Variants in LMO7 observed in about 807,000 individuals in gnomAD.
LMO7 encodes the protein LIM domain 7.
Under a neutral mutation model 206.5 loss-of-function variants are expected in LMO7, and 120 were observed. That is an observed-to-expected ratio of 0.58 (90% CI 0.50 to 0.68). The LOEUF (loss-of-function observed/expected upper bound fraction) is 0.68, where lower values mean the gene tolerates loss of function less well. LMO7 is among the 30% of genes least tolerant of loss of function. The pLI is 0.00. For missense variants in LMO7, 1,959 were observed against 1,957.9 expected, an observed-to-expected ratio of 1.00 and a Z score of -0.01; for synonymous variants, 706 against 681.5, an observed-to-expected ratio of 1.04 and a Z score of -0.56.
chr13:75,717,412 C>G (rs889943247), intron 2 of LMO7, among the ~76,000 whole-genome samples: 1 of 150,562 alleles, frequency 6.6e-6, no homozygotes, highest in Non-Finnish European at 1.5e-5. Flanking sequence ...ACTCTTCTCT[C>G]ACTGTCACCA....
rs573214901 is a variant in LMO7, at chr13:75,783,046, A to T, written c.318-12355A>T. On this transcript the variant is annotated intron_variant, in intron 4 of 30. Transcript: ENST00000377534. ...TTTTCAGTATTTTAAAGTGTGGAGT[A>T]GGAACAAAGAATTCAAAATGGAATC... 3.9e-5 allele frequency among the ~76,000 whole-genome samples: 6 copies of T among 152,378 alleles called. No homozygotes were observed. In the East Asian group the frequency reaches 1.2e-3, roughly 29 times the overall value.
intron 1 of LMO7, among the ~76,000 whole-genome samples, chr13:75,682,284 A>G (rs1177339380): frequency 3.9e-5 from 6 of 152,220 alleles, no homozygotes; most frequent in African/African-American, 1.4e-4. Context: ...TCTGTTAGAC[A>G]TTAGGCCTTA....
chr13:75,759,089 G>A (rs7321851), intron 3 of LMO7, among the ~76,000 whole-genome samples: 269 of 152,296 alleles, frequency 1.8e-3, no homozygotes, highest in African/African-American at 6.3e-3. Flanking sequence ...ACAGGTGAGA[G>A]AGAGCGAAGG....
chr13:75,719,950 T>C (rs1288167516), intron 2 of LMO7, among the ~76,000 whole-genome samples: 1 of 152,226 alleles, frequency 6.6e-6, no homozygotes, highest in African/African-American at 2.4e-5. Context: ...ATTTTGCATT[T>C]CTACCAGCAG....
chr13:75,847,993 A>T (rs1019791951), intron 26 of LMO7, among the ~76,000 whole-genome samples: 3 of 151,650 alleles, frequency 2.0e-5, no homozygotes, highest in Admixed American at 2.0e-4. Flanking sequence ...TGCAATTTCA[A>T]ATACACTTTA....
rs2061111799 is a variant in LMO7, at chr13:75,858,098, G to T, written c.*155G>T. 2 of 694,634 alleles carry T rather than the reference G, an allele frequency of 2.9e-6. No individual in the cohort carries two copies. The highest frequency in any genetic ancestry group is 6.6e-5 in the Admixed American group (2 of 30,378). 43.0% of individuals were successfully genotyped at this position (694,634 alleles called of 1,614,324 possible). A position where few individuals can be genotyped will look rare whatever the true frequency, so the allele number is the denominator to read the frequency against. ...CTTTAGATTACATAGAAGCATTGTA[G>T]TCTTGGTAGAACCAGTATTTTTGTT... On this transcript the variant is annotated 3_prime_UTR_variant, in exon 31 of 31. Transcript: ENST00000377534.
chr13:75,805,084 C>A, intron 8 of LMO7: 1 of 1,014,946 alleles, frequency 9.9e-7, no homozygotes, highest in East Asian at 9.5e-5. Flanking sequence ...ATCACCTATC[C>A]TAATTCTTGT....
rs2037503405 is a variant in LMO7 at position 75,651,003 on chromosome 13, GT to G, written c.69+14281del. Among the ~76,000 whole-genome samples, 3 of 152,132 alleles carry G rather than the reference GT, an allele frequency of 2.0e-5. No homozygotes were observed. In the South Asian group the frequency reaches 6.2e-4, roughly 31 times the overall value. ...TCCATGAAGAAAAGAAATGCATTTTGTTTTATTCGAAGGATAAAATTTATAA... is the reference window on the plus strand; with the variant it reads ...TCCATGAAGAAAAGAAATGCATTTTGTTTATTCGAAGGATAAAATTTATAA... On this transcript the variant is annotated intron_variant, in intron 1 of 30. Coordinates refer to ENST00000377534, the MANE Select transcript of LMO7 (RefSeq NM_001306080.2).
intron 4 of LMO7, among the ~76,000 whole-genome samples, chr13:75,793,425 A>G (rs551790615): frequency 1.3e-5 from 2 of 152,120 alleles, no homozygotes; most frequent in Admixed American, 1.3e-4. Context: ...ACAGGCGCCC[A>G]CCACCACGCC....
intron 1 of LMO7, among the ~76,000 whole-genome samples, chr13:75,699,535 G>A (rs7336908): frequency 2.0e-5 from 3 of 151,750 alleles, no homozygotes; most frequent in East Asian, 1.9e-4. Context: ...CTGGGTCTCC[G>A]GGGGTGACAT....
chr13:75,660,397 G>T (rs1213172505), intron 1 of LMO7, among the ~76,000 whole-genome samples: 1 of 152,152 alleles, frequency 6.6e-6, no homozygotes, highest in Non-Finnish European at 1.5e-5. Context: ...TCATTTCAAA[G>T]AACCAATTTT....
Position 75,858,150 on chromosome 13 carries a change from G to A in LMO7, c.*207G>A. Reference sequence around the variant, plus strand: ...TTTATTTATAAGGTAATTGTGTGTGGGGAAAAGTGCAGTATTTACCTGTTG... The same window carrying A: ...TTTATTTATAAGGTAATTGTGTGTGAGGAAAAGTGCAGTATTTACCTGTTG... On this transcript the variant is annotated 3_prime_UTR_variant, in exon 31 of 31. Coordinates refer to ENST00000377534, the MANE Select transcript of LMO7 (RefSeq NM_001306080.2). The A allele has an allele frequency of 2.1e-6, 1 of 466,904 alleles. No homozygotes were observed. Among genetic ancestry groups the A allele is most frequent in the Non-Finnish European group, 3.7e-6 (1 of 267,670 alleles). The allele number at this position is 466,904 out of a possible 1,614,324, so 28.9% of individuals were successfully genotyped here. A position where few individuals can be genotyped will look rare whatever the true frequency, so the allele number is the denominator to read the frequency against.
At chr13:75,836,350 A>T in intron 18 of LMO7, 47 bp from the exon 19 acceptor site, 1 of 1,069,838 alleles carries the variant, frequency 9.3e-7, no homozygotes, top group Non-Finnish European at 1.4e-6. Flanking sequence ...ATTTAAGGCC[A>T]AAGTCCAACT....
At chr13:75,790,267 G>C (rs2053083931) in intron 4 of LMO7, among the ~76,000 whole-genome samples, 1 of 152,142 alleles carries the variant, frequency 6.6e-6, no homozygotes, top group South Asian at 2.1e-4. Context: ...GGATAATTAA[G>C]GAATAGCCTT....
upstream of LMO7, chr13:75,631,704 G>C (rs2034974538): frequency 6.6e-6 from 1 of 152,316 alleles, no homozygotes; most frequent in Non-Finnish European, 1.5e-5. Flanking sequence ...TGTCCTGGGA[G>C]GGGAAGGACC....
intron 1 of LMO7, among the ~76,000 whole-genome samples, chr13:75,659,805 A>G (rs369957582): frequency 1.3e-5 from 2 of 152,172 alleles, no homozygotes; most frequent in African/African-American, 4.8e-5. Flanking sequence ...GTTATTTGGT[A>G]TTTTATCTAA....
chr13:75,760,516 G>C (rs1218760345), intron 3 of LMO7: 1 of 1,280,102 alleles, frequency 7.8e-7, no homozygotes, highest in East Asian at 3.0e-5. Context: ...ACAGTTTCTG[G>C]GTGGGTGAAT....
At chr13:75,819,249 A>T (rs1450430433) in intron 12 of LMO7, 144 bp from the exon 13 acceptor site, 1 of 943,692 alleles carries the variant, frequency 1.1e-6, no homozygotes, top group African/African-American at 1.7e-5. Flanking sequence ...AACGCTGGCT[A>T]TAAAAAGCAA....
At chr13:75,633,850 T>C (rs1190485980), upstream of LMO7, among the ~76,000 whole-genome samples, 1 of 141,752 alleles carries the variant, frequency 7.1e-6, no homozygotes, top group East Asian at 2.0e-4. Flanking sequence ...CCTTTTTTTT[T>C]TTTTTTTTTT....
Sources: gnomAD v4.1 joint callset for allele counts (sites outside exome capture counted in the v4.1 genomes callset) on GRCh38, gnomAD v4.1.1 for gene constraint, MANE v1.5 for transcripts, NCBI Gene and HGNC (gene_info 2026-07-23, HGNC 2026-07-21) for gene names.